The following NFKB1 variants were observed in gnomAD, a reference collection of about 807,000 sequenced individuals.
NFKB1 encodes nuclear factor kappa B subunit 1, also known as nuclear factor NF-kappa-B p105 subunit.
In NFKB1, 9 loss-of-function variants were observed where a neutral mutation model predicts 105.1. That is an observed-to-expected ratio of 0.09 (90% CI 0.05 to 0.15). NFKB1 has a LOEUF of 0.15. Ranked by LOEUF, NFKB1 falls within the 10% of genes least tolerant of loss-of-function variation. The pLI is 1.00. For missense variants in NFKB1, 830 were observed against 1,203.7 expected (o/e 0.69, Z 4.59); for synonymous variants, 440 against 442.2 (o/e 1.00, Z 0.06).
intron 1 of NFKB1, among the ~76,000 whole-genome samples, chr4:102,502,388 GCGCACACACACA>G (rs1739133860): frequency 1.0e-5 from 1 of 96,802 alleles, no homozygotes; most frequent in African/African-American, 7.2e-5. Flanking sequence ...GCGCGCGCGC[GCGCACACACACA>G]CACACACACA....
chr4:102,510,221 C>T (rs1739690790), intron 1 of NFKB1, among the ~76,000 whole-genome samples: 1 of 152,194 alleles, frequency 6.6e-6, no homozygotes, highest in South Asian at 2.1e-4. Flanking sequence ...TCTGTGTTCT[C>T]CTGAATTCCT....
At chr4:102,567,759 T>C (rs1723995565) in intron 6 of NFKB1, among the ~76,000 whole-genome samples, 1 of 152,144 alleles carries the variant, frequency 6.6e-6, no homozygotes, top group African/African-American at 2.4e-5. Flanking sequence ...ATGAATGAAG[T>C]TTTATAGAAG....
rs3796409 is a variant in NFKB1 at position 102,535,889 on chromosome 4, T to G, written c.160-1969T>G. 2.3e-3 allele frequency among the ~76,000 whole-genome samples: 328 copies of G among 142,692 alleles called. 10 individuals carry two copies. In the East Asian group the frequency reaches 0.052, roughly 23 times the overall value. The allele number at this position is 142,692 out of a possible 152,430, so 93.6% of individuals were successfully genotyped here. A position where few individuals can be genotyped will look rare whatever the true frequency, so the allele number is the denominator to read the frequency against. ...GAATTGTGTGTGTGTGGTTTTGGGG[T>G]TTTTTTTGTTTTTTTTTTTTAAGTT... On this transcript the variant is annotated intron_variant, in intron 4 of 23. Coordinates refer to ENST00000226574, the MANE Select transcript of NFKB1 (RefSeq NM_003998.4).
chr4:102,580,779 G>A (rs917121217), intron 9 of NFKB1, 140 bp downstream of exon 9: 5 of 597,886 alleles, frequency 8.4e-6, no homozygotes, highest in Non-Finnish European at 1.4e-5. Flanking sequence ...AAGCATTTAC[G>A]TTTTACCTCT....
chr4:102,516,122 A>T (rs1560633463), intron 1 of NFKB1, among the ~76,000 whole-genome samples: 1 of 151,866 alleles, frequency 6.6e-6, no homozygotes. Context: ...TATCATGCTT[A>T]TCAATTGTTC....
chr4:102,612,262 T>C, intron 21 of NFKB1, 152 bp downstream of exon 21: 1 of 947,328 alleles, frequency 1.1e-6, no homozygotes, highest in African/African-American at 1.6e-5. Context: ...TATCCAGTTT[T>C]AATCTACTGT....
At chr4:102,582,188 C>T (rs1725366557) in intron 9 of NFKB1, among the ~76,000 whole-genome samples, 2 of 152,106 alleles carry the variant, frequency 1.3e-5, no homozygotes, top group African/African-American at 4.8e-5. Context: ...GTATTTTGAC[C>T]AATTACTCAA....
intron 5 of NFKB1, among the ~76,000 whole-genome samples, chr4:102,564,310 C>T (rs751493382): frequency 6.6e-6 from 1 of 152,348 alleles, no homozygotes; most frequent in Non-Finnish European, 1.5e-5. Flanking sequence ...AAACAGTTCT[C>T]CGTCATCATG....
At position 102,599,917 on chromosome 4, in the gene NFKB1, G is replaced by T. The variant is rs556145849; in HGVS notation, c.1638-978G>T. On this transcript the variant is annotated intron_variant, in intron 15 of 23. Transcript: ENST00000226574. ...ATAGTATGTTTTTTAATAATTAAAA[G>T]AATTACGCTCCTGTGAGTGACTTTG... 1.4e-4 allele frequency among the ~76,000 whole-genome samples: 21 copies of T among 152,240 alleles called. No homozygotes were observed. In the South Asian group the frequency reaches 4.1e-3, roughly 30 times the overall value.
intron 1 of NFKB1, chr4:102,503,245 A>G (rs1739204632): frequency 6.6e-6 from 1 of 152,152 alleles, no homozygotes; most frequent in South Asian, 2.1e-4. Context: ...AATTGCTAAA[A>G]TGGAAAGAAC....
At chr4:102,611,891 G>A (rs978592080) in intron 20 of NFKB1, among the ~76,000 whole-genome samples, 153 bp from the exon 21 acceptor site, 2 of 152,256 alleles carry the variant, frequency 1.3e-5, no homozygotes, top group African/African-American at 2.4e-5. Context: ...CCATATTCTT[G>A]GAGGGTGGTC....
chr4:102,583,628 G>A (rs1053612351), intron 10 of NFKB1, among the ~76,000 whole-genome samples: 13 of 152,250 alleles, frequency 8.5e-5, no homozygotes, highest in Middle Eastern at 6.8e-3. Context: ...GGTGTTCTAG[G>A]AGTCATCTTC....
At chr4:102,563,348 G>A (rs1010358449) in intron 5 of NFKB1, among the ~76,000 whole-genome samples, 27 of 151,900 alleles carry the variant, frequency 1.8e-4, no homozygotes, top group African/African-American at 6.5e-4. Context: ...AATTAGCAAA[G>A]CCCAATAAAA....
chr4:102,568,629 G>GT (rs1306867403), intron 6 of NFKB1, among the ~76,000 whole-genome samples: 6 of 152,060 alleles, frequency 3.9e-5, no homozygotes, highest in African/African-American at 1.4e-4. Context: ...TTTAGATGAA[G>GT]TTTTCTACTA....
chr4:102,522,384 G>C (rs561745003), intron 1 of NFKB1, among the ~76,000 whole-genome samples: 1 of 152,160 alleles, frequency 6.6e-6, no homozygotes, highest in Non-Finnish European at 1.5e-5. Flanking sequence ...TATCACCCAC[G>C]TGAGCCTTGG....
Position 102,584,702 on chromosome 4 carries a change from T to C in NFKB1, c.948T>C (p.Thr316=), listed in dbSNP as rs551471972. Residue 316 remains threonine, a synonymous_variant, in exon 11 of 24, where the codon ACT becomes ACC. Transcript: ENST00000226574. The part of the protein sequence containing the change: ...VHRQFAIVFK[T]PKYKDINITK... ...TGCAGTTTGCCATTGTCTTCAAAAC[T>C]CCAAAGTATAAAGATATTAATATTA... 2 of 1,602,554 alleles carry C rather than the reference T, an allele frequency of 1.2e-6. No homozygotes were observed. The highest frequency in any genetic ancestry group is 2.2e-5 in the East Asian group (1 of 44,698).
intron 5 of NFKB1, among the ~76,000 whole-genome samples, chr4:102,562,209 TG>T (rs952295429): frequency 2.6e-5 from 4 of 152,156 alleles, no homozygotes; most frequent in African/African-American, 7.2e-5. Context: ...CCCACCCCCT[TG>T]CCTGGTTATA....
intron 6 of NFKB1, 72 bp from the exon 7 acceptor site, chr4:102,576,804 G>A: frequency 6.8e-7 from 1 of 1,472,904 alleles, no homozygotes. Flanking sequence ...TACAAGTGAA[G>A]CCAGATTCCC....
chr4:102,517,117 C>T (rs570062310), intron 1 of NFKB1, among the ~76,000 whole-genome samples: 1 of 152,188 alleles, frequency 6.6e-6, no homozygotes, highest in East Asian at 1.9e-4. Context: ...CAGAGATGAC[C>T]CCTATGTAGA....
Sources: allele counts gnomAD v4.1 joint callset (sites outside exome capture counted in the v4.1 genomes callset), GRCh38; gene constraint gnomAD v4.1.1; transcripts MANE v1.5; gene names NCBI Gene and HGNC (gene_info 2026-07-23, HGNC 2026-07-21).